KCTD8: variants seen among roughly 807,000 people sequenced by gnomAD.
KCTD8 encodes potassium channel tetramerization domain containing 8.
Under a neutral mutation model 31.5 loss-of-function variants are expected in KCTD8, and 27 were observed. That is an observed-to-expected ratio of 0.86 (90% CI 0.63 to 1.18). KCTD8 has a LOEUF of 1.18. Among genes scored for constraint, KCTD8 ranks in the 50% most tolerant of loss-of-function variants. KCTD8 has a pLI of 0.00. For synonymous variants in KCTD8, 290 were observed against 280.0 expected, an observed-to-expected ratio of 1.04 and a Z score of -0.36; for missense variants, 658 against 647.7, an observed-to-expected ratio of 1.02 and a Z score of -0.17.
intron 1 of KCTD8, among the ~76,000 whole-genome samples, chr4:44,317,468 T>C (rs1026591248): frequency 7.1e-6 from 1 of 140,288 alleles, no homozygotes; most frequent in Non-Finnish European, 1.5e-5. Context: ...CTCGATCTCC[T>C]GACCTCATGA....
chr4:44,321,463 T>A (rs1314054866), intron 1 of KCTD8, among the ~76,000 whole-genome samples: 1 of 152,128 alleles, frequency 6.6e-6, no homozygotes, highest in East Asian at 1.9e-4. Flanking sequence ...TTTTAGTTTG[T>A]TTTATGTTTT....
chr4:44,316,907 G>A (rs575749763), intron 1 of KCTD8, among the ~76,000 whole-genome samples: 2 of 150,924 alleles, frequency 1.3e-5, no homozygotes, highest in African/African-American at 4.9e-5. Context: ...GAACTCAGGA[G>A]GCAGGGATTG....
intron 1 of KCTD8, among the ~76,000 whole-genome samples, chr4:44,386,291 C>G (rs985944016): frequency 6.6e-6 from 1 of 151,224 alleles, no homozygotes; most frequent in Admixed American, 6.6e-5. Context: ...GAGGTAGAAG[C>G]AACTGAGCAT....
At chr4:44,258,931 C>T (rs1000099200) in intron 1 of KCTD8, among the ~76,000 whole-genome samples, 1 of 151,738 alleles carries the variant, frequency 6.6e-6, no homozygotes, top group Non-Finnish European at 1.5e-5. Flanking sequence ...AATAATGACC[C>T]CTACCTCATA....
intron 1 of KCTD8, among the ~76,000 whole-genome samples, chr4:44,284,767 A>G (rs1316644946): frequency 6.6e-6 from 1 of 152,190 alleles, no homozygotes; most frequent in Non-Finnish European, 1.5e-5. Flanking sequence ...ACTTAAACAA[A>G]TTTACAAGAA....
chr4:44,379,356 C>T (rs1273159590), intron 1 of KCTD8, among the ~76,000 whole-genome samples: 2 of 151,946 alleles, frequency 1.3e-5, no homozygotes, highest in African/African-American at 4.8e-5. Context: ...CAGAACTGTC[C>T]CTAACCTTGT....
intron 1 of KCTD8, among the ~76,000 whole-genome samples, chr4:44,295,168 C>T (rs114022840): frequency 0.01 from 1,560 of 152,070 alleles, 29 homozygotes; most frequent in African/African-American, 0.034. Context: ...TGCTGGCACA[C>T]GATTGTAGTT....
intron 1 of KCTD8, among the ~76,000 whole-genome samples, chr4:44,334,365 A>G (rs1718663766): frequency 6.6e-6 from 1 of 152,076 alleles, no homozygotes; most frequent in Admixed American, 6.6e-5. Flanking sequence ...TGGATACATC[A>G]TGATGAAGGA....
intron 1 of KCTD8, among the ~76,000 whole-genome samples, chr4:44,216,359 A>C (rs1051891113): frequency 3.3e-5 from 5 of 152,196 alleles, no homozygotes; most frequent in Admixed American, 6.5e-5. Context: ...TAAAAGATAA[A>C]TAACAGTAAC....
chr4:44,191,738 T>C (rs1277746275), intron 1 of KCTD8, among the ~76,000 whole-genome samples: 1 of 152,086 alleles, frequency 6.6e-6, no homozygotes, highest in Non-Finnish European at 1.5e-5. Context: ...TTGAACCCTG[T>C]TTTCTGTTGT....
chr4:44,352,625 C>A (rs1719232624), intron 1 of KCTD8, among the ~76,000 whole-genome samples: 1 of 148,666 alleles, frequency 6.7e-6, no homozygotes, highest in Admixed American at 6.7e-5. Context: ...TTTTAGAAAT[C>A]ATAGAAAATA....
chr4:44,364,534 A>T (rs1449519224), intron 1 of KCTD8, among the ~76,000 whole-genome samples: 2 of 152,156 alleles, frequency 1.3e-5, no homozygotes, highest in Non-Finnish European at 2.9e-5. Flanking sequence ...TGCAAAGCTA[A>T]ACATAGTCTT....
intron 1 of KCTD8, among the ~76,000 whole-genome samples, chr4:44,234,597 G>T (rs182465431): frequency 6.6e-6 from 1 of 152,238 alleles, no homozygotes; most frequent in Admixed American, 6.5e-5. Flanking sequence ...AGACAGCAGG[G>T]TATAACTCCA....
intron 1 of KCTD8, among the ~76,000 whole-genome samples, chr4:44,400,728 CAA>C (rs34000545): frequency 3.5e-4 from 35 of 100,114 alleles, no homozygotes; most frequent in South Asian, 9.8e-4. Context: ...GACTCTGTCT[CAA>C]AAAAAAAAAA....
intron 1 of KCTD8, among the ~76,000 whole-genome samples, chr4:44,258,362 G>T (rs1423547203): frequency 6.6e-6 from 1 of 151,722 alleles, no homozygotes; most frequent in Non-Finnish European, 1.5e-5. Context: ...TATTTAAATG[G>T]GTGAATTTTA....
intron 1 of KCTD8, among the ~76,000 whole-genome samples, chr4:44,315,973 CT>C (rs767846615): frequency 3.3e-5 from 5 of 152,156 alleles, no homozygotes; most frequent in Non-Finnish European, 7.4e-5. Flanking sequence ...CAACTGAAGA[CT>C]TAGGTTTTCT....
chr4:44,287,114 C>T (rs934297020), intron 1 of KCTD8, among the ~76,000 whole-genome samples: 2 of 152,016 alleles, frequency 1.3e-5, no homozygotes, highest in Non-Finnish European at 2.9e-5. Context: ...TGCATGAGCT[C>T]ATTAAAATTG....
chr4:44,388,249 C>T (rs975004025), intron 1 of KCTD8, among the ~76,000 whole-genome samples: 2 of 151,852 alleles, frequency 1.3e-5, no homozygotes, highest in African/African-American at 4.8e-5. Context: ...TGCTTATACA[C>T]TGGTGATTGG....
chr4:44,229,639 C>T lies in KCTD8; in HGVS notation c.962-54389G>A, dbSNP rs568565880. On this transcript the variant is annotated intron_variant, in intron 1 of 1. Transcript: ENST00000360029. ...AAATGGGGCACTTGACCTTGGTGCC[C>T]GCTTGGGTCTCTTCCAGGCATACTT... 1.2e-4 allele frequency among the ~76,000 whole-genome samples: 19 copies of T among 152,176 alleles called. No individual in the cohort carries two copies. The South Asian group carries it at 2.7e-3, about 22-fold the overall frequency.
Sources: allele counts gnomAD v4.1 joint callset (sites outside exome capture counted in the v4.1 genomes callset), GRCh38; gene constraint gnomAD v4.1.1; transcripts MANE v1.5; gene names NCBI Gene and HGNC (gene_info 2026-07-23, HGNC 2026-07-21).